MTUS1: variants seen among roughly 807,000 people sequenced by gnomAD.
MTUS1 encodes microtubule-associated tumor suppressor 1.
Under a neutral mutation model 120.8 loss-of-function variants are expected in MTUS1, and 109 were observed. That is an observed-to-expected ratio of 0.90 (90% CI 0.77 to 1.06). The LOEUF is 1.06. Ranked by LOEUF, MTUS1 falls within the 50% of genes least tolerant of loss-of-function variation. The pLI, the probability that MTUS1 is intolerant of heterozygous loss-of-function variation, is 0.00. For missense variants in MTUS1, 2,210 were observed against 1,486.3 expected (o/e 1.49, Z -8.01); for synonymous variants, 737 against 550.5 (o/e 1.34, Z -4.74).
chr8:17,714,156 T>C (rs1002412422), intron 5 of MTUS1, among the ~76,000 whole-genome samples: 9 of 152,182 alleles, frequency 5.9e-5, no homozygotes, highest in African/African-American at 2.2e-4. Context: ...GGTCATTTGG[T>C]GCCTCCGAAA....
Position 17,746,653 on chromosome 8 carries a change from T to C in MTUS1, c.2092-2854A>G, listed in dbSNP as rs922486551. Among the ~76,000 whole-genome samples, 4 of 152,142 alleles carry C rather than the reference T, an allele frequency of 2.6e-5. No individual in the cohort carries two copies. The South Asian group carries it at 6.2e-4, about 24-fold the overall frequency. ...CCCACCAGGTCCCTCCCACAATATG[T>C]GGGAATTACAGGAGCTACAATTCAA... On this transcript the variant is annotated intron_variant, in intron 2 of 14. Transcript: ENST00000693296.
chr8:17,684,655 T>C (rs1468115955), intron 6 of MTUS1, 113 bp from the exon 7 acceptor site: 2 of 825,534 alleles, frequency 2.4e-6, no homozygotes, highest in Admixed American at 1.9e-5. Context: ...TAAGTTATGT[T>C]GCTGTAAGGA....
At chr8:17,654,396 G>A (rs917132612) in intron 10 of MTUS1, 165 bp downstream of exon 10, 11 of 598,966 alleles carry the variant, frequency 1.8e-5, no homozygotes, top group East Asian at 2.8e-5. Context: ...AGTGGGAAAA[G>A]GCATCTGTTA....
At chr8:17,774,953 C>T (rs2050294831) in intron 1 of MTUS1, among the ~76,000 whole-genome samples, 1 of 141,228 alleles carries the variant, frequency 7.1e-6, no homozygotes, top group Admixed American at 7.3e-5. Flanking sequence ...CATGGCTGAA[C>T]CCTGAAAATA....
At chr8:17,751,137 T>C (rs2048156670) in intron 2 of MTUS1, among the ~76,000 whole-genome samples, 1 of 151,986 alleles carries the variant, frequency 6.6e-6, no homozygotes, top group Non-Finnish European at 1.5e-5. Flanking sequence ...GCCAACGTGG[T>C]GAAACCCCAT....
intron 3 of MTUS1, among the ~76,000 whole-genome samples, chr8:17,740,214 A>G (rs1401711528): frequency 9.5e-5 from 10 of 105,666 alleles, no homozygotes; most frequent in Non-Finnish European, 1.6e-4. Flanking sequence ...TCTCAAAAAA[A>G]AAAAAGGAAA....
chr8:17,699,800 G>C (rs1005092023), intron 6 of MTUS1, among the ~76,000 whole-genome samples: 3 of 152,134 alleles, frequency 2.0e-5, no homozygotes, highest in African/African-American at 7.2e-5. Flanking sequence ...ATAAACAAAT[G>C]GCCATCGCTT....
At chr8:17,719,247 G>A (rs1342329163) in intron 4 of MTUS1, among the ~76,000 whole-genome samples, 1 of 151,962 alleles carries the variant, frequency 6.6e-6, no homozygotes, top group Non-Finnish European at 1.5e-5. Flanking sequence ...CTAACACCTA[G>A]TGAAAATTCG....
intron 1 of MTUS1, among the ~76,000 whole-genome samples, chr8:17,783,647 A>G (rs902163577): frequency 6.6e-6 from 1 of 152,172 alleles, no homozygotes; most frequent in African/African-American, 2.4e-5. Flanking sequence ...ACTCAGCCTG[A>G]GGCTCCATGA....
intron 8 of MTUS1, among the ~76,000 whole-genome samples, chr8:17,668,990 C>T (rs12544295): frequency 0.061 from 9,322 of 152,260 alleles, 493 homozygotes; most frequent in East Asian, 0.24. Flanking sequence ...CTAGCTACCA[C>T]TGTTGGTAAT....
chr8:17,701,688 C>T (rs1306073803), intron 6 of MTUS1, among the ~76,000 whole-genome samples: 2 of 152,050 alleles, frequency 1.3e-5, no homozygotes, highest in Non-Finnish European at 2.9e-5. Flanking sequence ...GCTGGGACTA[C>T]AGGCGCCCGC....
At chr8:17,715,579 A>G (rs1822157295) in intron 5 of MTUS1, among the ~76,000 whole-genome samples, 188 bp downstream of exon 5, 1 of 152,214 alleles carries the variant, frequency 6.6e-6, no homozygotes, top group African/African-American at 2.4e-5. Context: ...ATGATTTTTA[A>G]CTATAGAACC....
At chr8:17,662,083 A>G (rs1585490072) in intron 8 of MTUS1, among the ~76,000 whole-genome samples, 1 of 151,992 alleles carries the variant, frequency 6.6e-6, no homozygotes, top group Non-Finnish European at 1.5e-5. Flanking sequence ...CATAACCCCG[A>G]TTTTAGGCCA....
chr8:17,676,842 G>A (rs1458813931), intron 7 of MTUS1, among the ~76,000 whole-genome samples: 1 of 152,194 alleles, frequency 6.6e-6, no homozygotes, highest in Admixed American at 6.5e-5. Flanking sequence ...GGGGCATGCT[G>A]TCGTTTACAA....
At chr8:17,741,015 G>A (rs1214336114) in intron 3 of MTUS1, among the ~76,000 whole-genome samples, 6 of 152,096 alleles carry the variant, frequency 3.9e-5, no homozygotes, top group Non-Finnish European at 2.9e-5. Context: ...ACAGTCACCT[G>A]CCACCACCCT....
chr8:17,723,434 C>T, intron 4 of MTUS1: 1 of 556,022 alleles, frequency 1.8e-6, no homozygotes, highest in Non-Finnish European at 3.3e-6. Flanking sequence ...AACACCATCA[C>T]TTCAGACGAT....
chr8:17,674,477 G>A lies in MTUS1; in HGVS notation c.2905+709C>T, dbSNP rs148246323. 1.0e-5 allele frequency: 10 copies of A among 985,118 alleles called. No individual in the cohort carries two copies. The African/African-American group carries it at 1.2e-4, about 12-fold the overall frequency. 61.0% of individuals were successfully genotyped at this position (985,118 alleles called of 1,614,324 possible). ...AGCAAAACAAAGCAAAGGCAGTGTC[G>A]TGTCTGTTCCATGAACCCTAAGGGC... On this transcript the variant is annotated intron_variant, in intron 8 of 14. Coordinates refer to ENST00000693296, the MANE Select transcript of MTUS1 (RefSeq NM_001363059.2).
intron 6 of MTUS1, among the ~76,000 whole-genome samples, chr8:17,694,132 T>A (rs1472005173): frequency 1.3e-5 from 2 of 152,160 alleles, no homozygotes; most frequent in East Asian, 3.9e-4. Flanking sequence ...TCATTAACTC[T>A]CCAGGGCTGG....
In MTUS1 at chr8:17,715,851, A is replaced by G. The variant is rs1822217907; in HGVS notation, c.2500T>C (p.Phe834Leu). Residue 834 changes from phenylalanine to leucine, a missense_variant, in exon 5 of 15, where the codon TTT (phenylalanine) becomes CTT (leucine). Coordinates refer to ENST00000693296, the MANE Select transcript of MTUS1 (RefSeq NM_001363059.2). ...KYEEKPPKPA[F>L]QNGSSGSFYL... ...AAGGATCCTGAGGAACCATTCTGAA[A>G]TGCTGGTTTTGGAGGTTTCTCCTCA... 1 of 1,613,960 alleles carries G rather than the reference A, an allele frequency of 6.2e-7. No individual in the cohort carries two copies. The highest frequency in any genetic ancestry group is 1.3e-5 in the African/African-American group (1 of 74,922).
Sources: allele counts gnomAD v4.1 joint callset (sites outside exome capture counted in the v4.1 genomes callset), GRCh38; gene constraint gnomAD v4.1.1; transcripts MANE v1.5; gene names NCBI Gene and HGNC (gene_info 2026-07-23, HGNC 2026-07-21).